Variants in ADAMTS18 observed in about 807,000 individuals in gnomAD.
ADAMTS18 encodes the protein ADAM metallopeptidase with thrombospondin type 1 motif 18.
In ADAMTS18, 157 loss-of-function variants were observed where a neutral mutation model predicts 165.9. The observed-to-expected ratio is 0.95, with a 90% CI of 0.83 to 1.08. The LOEUF (loss-of-function observed/expected upper bound fraction) is 1.08. ADAMTS18 is among the 50% of genes least tolerant of loss of function. The pLI is 0.00. For missense variants in ADAMTS18, 2,040 were observed against 1,534.0 expected, an observed-to-expected ratio of 1.33 and a Z score of -5.51; for synonymous variants, 782 against 578.2, an observed-to-expected ratio of 1.35 and a Z score of -5.06.
At chr16:77,400,344 G>C (rs1301111768) in intron 3 of ADAMTS18, among the ~76,000 whole-genome samples, 1 of 152,054 alleles carries the variant, frequency 6.6e-6, no homozygotes, top group Non-Finnish European at 1.5e-5. Flanking sequence ...ATCCTTTGGG[G>C]ATGGAGTGAG....
rs1198249273 is a variant in ADAMTS18, at chr16:77,364,410, G to C, written c.779-29C>G. The C allele has an allele frequency of 1.9e-6, 3 of 1,606,954 alleles. No individual in the cohort carries two copies. The Admixed American group carries it at 5.0e-5, about 27-fold the overall frequency. The stretch of plus-strand genomic sequence containing the variant: ...CGATGAACAGAAGAGCATTTGGAAG[G>C]GATATTAGAGAATATCTGGATAAGA... On this transcript the variant is annotated intron_variant, in intron 4 of 22. Transcript: ENST00000282849.
chr16:77,306,017 C>G (rs182076735), intron 16 of ADAMTS18, among the ~76,000 whole-genome samples: 2 of 152,180 alleles, frequency 1.3e-5, no homozygotes, highest in African/African-American at 4.8e-5. Context: ...GCATCCCTCC[C>G]GTAATGGCAC....
chr16:77,314,456 T>C (rs903800356), intron 16 of ADAMTS18, among the ~76,000 whole-genome samples: 9 of 150,962 alleles, frequency 6.0e-5, no homozygotes, highest in Non-Finnish European at 1.2e-4. Flanking sequence ...AAAAAACATA[T>C]ACAAAATTAG....
intron 17 of ADAMTS18, 84 bp downstream of exon 17, chr16:77,300,179 C>T (rs1346247811): frequency 6.5e-7 from 1 of 1,538,478 alleles, no homozygotes; most frequent in Non-Finnish European, 9.0e-7. Context: ...CTTATTTAAA[C>T]CATATTATGT....
chr16:77,301,182 G>T (rs1347965221), intron 16 of ADAMTS18, among the ~76,000 whole-genome samples: 1 of 151,910 alleles, frequency 6.6e-6, no homozygotes, highest in Non-Finnish European at 1.5e-5. Flanking sequence ...TCACATATTG[G>T]GCACTTCCCA....
rs2057287664 is a variant in ADAMTS18, at chr16:77,398,514, C to G, written c.496-30791G>C. Among the ~76,000 whole-genome samples, 5 of 152,144 alleles carry G rather than the reference C, an allele frequency of 3.3e-5. 1 individual carries two copies. The South Asian group carries it at 1.0e-3, about 32-fold the overall frequency. ...TAACCTAAAGCCTGAGAGCAACCCA[C>G]CACCTTTGCAACGAGGAGGCTGTGA... On this transcript the variant is annotated intron_variant, in intron 3 of 22. Coordinates refer to ENST00000282849, the MANE Select transcript of ADAMTS18 (RefSeq NM_199355.4).
intron 8 of ADAMTS18, among the ~76,000 whole-genome samples, chr16:77,356,698 T>C (rs961080738): frequency 6.6e-6 from 1 of 152,224 alleles, no homozygotes; most frequent in Non-Finnish European, 1.5e-5. Flanking sequence ...ATCTTTCAGA[T>C]GTATTATATG....
intron 3 of ADAMTS18, among the ~76,000 whole-genome samples, chr16:77,400,498 T>TC (rs2057316522): frequency 6.7e-6 from 1 of 149,700 alleles, no homozygotes; most frequent in Admixed American, 6.6e-5. Context: ...TTTTTTTTTT[T>TC]TGAGACGGAG....
intron 20 of ADAMTS18, among the ~76,000 whole-genome samples, chr16:77,292,696 G>C (rs13338692): frequency 8.5e-4 from 130 of 152,328 alleles, no homozygotes; most frequent in African/African-American, 3.0e-3. Context: ...CTTTAGCAAT[G>C]TTTCGTGAAG....
intron 3 of ADAMTS18, among the ~76,000 whole-genome samples, chr16:77,423,172 G>A (rs1303656975): frequency 3.3e-5 from 5 of 152,092 alleles, no homozygotes; most frequent in African/African-American, 4.8e-5. Flanking sequence ...TACTTATAAC[G>A]CCAGCTTGCA....
chr16:77,296,971 C>T (rs2055485344), intron 18 of ADAMTS18, among the ~76,000 whole-genome samples: 1 of 152,294 alleles, frequency 6.6e-6, no homozygotes, highest in Non-Finnish European at 1.5e-5. Context: ...CTTCAACCAT[C>T]TTTTTTAAAA....
chr16:77,342,894 A>G (rs1341595244), intron 10 of ADAMTS18, among the ~76,000 whole-genome samples: 1 of 152,140 alleles, frequency 6.6e-6, no homozygotes, highest in Non-Finnish European at 1.5e-5. Flanking sequence ...AGCTTAGAAG[A>G]GAACCAGAGA....
intron 3 of ADAMTS18, among the ~76,000 whole-genome samples, chr16:77,381,696 G>A (rs1191851973): frequency 2.0e-5 from 3 of 152,172 alleles, no homozygotes; most frequent in Non-Finnish European, 4.4e-5. Context: ...CAGCTACTCA[G>A]GAGGCTGAGG....
intron 3 of ADAMTS18, among the ~76,000 whole-genome samples, chr16:77,381,005 G>C (rs770426691): frequency 1.3e-5 from 2 of 152,092 alleles, no homozygotes; most frequent in Non-Finnish European, 2.9e-5. Flanking sequence ...CTCCGGAGTA[G>C]CTGGGATTAC....
intron 3 of ADAMTS18, 139 bp downstream of exon 3, chr16:77,431,156 T>A (rs1037640484): frequency 1.1e-5 from 10 of 876,742 alleles, no homozygotes; most frequent in African/African-American, 1.7e-5. Context: ...TTAATTCAAT[T>A]GAGAATATTA....
intron 16 of ADAMTS18, among the ~76,000 whole-genome samples, chr16:77,305,641 G>T (rs975475069): frequency 6.6e-6 from 1 of 152,132 alleles, no homozygotes; most frequent in African/African-American, 2.4e-5. Flanking sequence ...AATTCGAAAT[G>T]ACCCTGCAAT....
At chr16:77,354,430 G>A (rs2056599268) in intron 9 of ADAMTS18, among the ~76,000 whole-genome samples, 1 of 152,000 alleles carries the variant, frequency 6.6e-6, no homozygotes. Flanking sequence ...ATAATGAACT[G>A]GGGGATGAGG....
At chr16:77,325,678 GAA>G (rs11410820) in intron 13 of ADAMTS18, among the ~76,000 whole-genome samples, 186 bp downstream of exon 13, 1 of 142,268 alleles carries the variant, frequency 7.0e-6, no homozygotes, top group East Asian at 2.0e-4. Flanking sequence ...CTTATAGGGG[GAA>G]AAAAAAAAAA....
chr16:77,361,578 G>A (rs2056713824), intron 7 of ADAMTS18, among the ~76,000 whole-genome samples: 5 of 152,158 alleles, frequency 3.3e-5, no homozygotes. Flanking sequence ...ATGATCATCA[G>A]TAGGATCAAT....
Sources: allele counts gnomAD v4.1 joint callset (sites outside exome capture counted in the v4.1 genomes callset), GRCh38; gene constraint gnomAD v4.1.1; transcripts MANE v1.5; gene names NCBI Gene and HGNC (gene_info 2026-07-23, HGNC 2026-07-21).